PDE4B: variants seen among roughly 807,000 people sequenced by gnomAD.
The protein encoded by PDE4B is phosphodiesterase 4B.
In PDE4B, 20 loss-of-function variants were observed where a neutral mutation model predicts 82.2. The ratio of observed to expected loss-of-function variants is 0.24; its 90% confidence interval spans 0.17 to 0.35. The LOEUF is 0.35. PDE4B is among the 10% of genes least tolerant of loss of function. The pLI is 1.00. For missense variants in PDE4B, 655 were observed against 907.2 expected, an observed-to-expected ratio of 0.72 and a Z score of 3.57; for synonymous variants, 320 against 318.9, an observed-to-expected ratio of 1.00 and a Z score of -0.04.
intron 3 of PDE4B, among the ~76,000 whole-genome samples, chr1:66,134,529 A>G (rs577361496): frequency 6.6e-6 from 1 of 152,278 alleles, no homozygotes; most frequent in South Asian, 2.1e-4. Flanking sequence ...AAAGGGTACC[A>G]TTGTGGCTTG....
chr1:66,301,730 A>G (rs1019050165), intron 7 of PDE4B, among the ~76,000 whole-genome samples: 1 of 152,104 alleles, frequency 6.6e-6, no homozygotes, highest in Non-Finnish European at 1.5e-5. Flanking sequence ...TAGGTCATGA[A>G]TTCATCCTAT....
chr1:65,958,208 T>A (rs1040527218), intron 3 of PDE4B, among the ~76,000 whole-genome samples: 9 of 152,240 alleles, frequency 5.9e-5, no homozygotes, highest in East Asian at 3.9e-4. Context: ...GGATTTTTTT[T>A]AAATTATATT....
chr1:66,164,360 C>T (rs1354408433), intron 3 of PDE4B, among the ~76,000 whole-genome samples: 1 of 151,522 alleles, frequency 6.6e-6, no homozygotes. Context: ...CATGGTGAAA[C>T]CCCATCTCTA....
At chr1:66,317,883 T>C (rs1184969632) in intron 7 of PDE4B, among the ~76,000 whole-genome samples, 1 of 151,982 alleles carries the variant, frequency 6.6e-6, no homozygotes, top group Non-Finnish European at 1.5e-5. Context: ...GGTGACAGAG[T>C]GAGATCCAGT....
intron 3 of PDE4B, among the ~76,000 whole-genome samples, chr1:65,929,683 CA>C (rs1286794046): frequency 6.6e-6 from 1 of 152,180 alleles, no homozygotes; most frequent in Non-Finnish European, 1.5e-5. Flanking sequence ...TAGGCGCAAC[CA>C]ATCAGCTTCA....
rs1647502742 is a variant in PDE4B, at chr1:65,926,388, C to T, written c.281+7553C>T. ...ATGGAGATCTTAGGTCCTTTCATCC[C>T]ACACTTGTTTTGGCTATAAAATTGC... On this transcript the variant is annotated intron_variant, in intron 3 of 16. Transcript: ENST00000341517. Among the ~76,000 whole-genome samples, 3 of 152,240 alleles carry T rather than the reference C, an allele frequency of 2.0e-5. No homozygotes were observed. The South Asian group carries it at 6.2e-4, about 32-fold the overall frequency.
At chr1:66,164,232 C>T (rs1646674076) in intron 3 of PDE4B, among the ~76,000 whole-genome samples, 1 of 151,994 alleles carries the variant, frequency 6.6e-6, no homozygotes, top group South Asian at 2.1e-4. Flanking sequence ...GGTGGTTCAT[C>T]TCTTATGAAA....
chr1:66,239,719 A>G (rs1309611830), intron 3 of PDE4B, among the ~76,000 whole-genome samples: 1 of 152,204 alleles, frequency 6.6e-6, no homozygotes, highest in Non-Finnish European at 1.5e-5. Context: ...AAAGAATCAC[A>G]CTAAAATATA....
chr1:66,031,390 A>T (rs1022636895), intron 3 of PDE4B, among the ~76,000 whole-genome samples: 3 of 152,256 alleles, frequency 2.0e-5, no homozygotes, highest in African/African-American at 7.2e-5. Flanking sequence ...ATTCTCAATC[A>T]GGAGAAAAGG....
intron 6 of PDE4B, among the ~76,000 whole-genome samples, chr1:66,262,967 C>T (rs1171507117): frequency 6.6e-6 from 1 of 152,206 alleles, no homozygotes; most frequent in African/African-American, 2.4e-5. Flanking sequence ...TCTCCTAGTT[C>T]AGTTTCTTCT....
At chr1:66,352,347 T>G (rs1006307342) in intron 8 of PDE4B, among the ~76,000 whole-genome samples, 4 of 152,192 alleles carry the variant, frequency 2.6e-5, no homozygotes, top group Admixed American at 6.6e-5. Context: ...CTTGCATGAG[T>G]ACACTGATCC....
rs192350089 is a variant in PDE4B at position 65,861,766 on chromosome 1, C to T, written c.-70-51479C>T. On this transcript the variant is annotated intron_variant, in intron 1 of 16. Transcript: ENST00000341517. ...TTCTTCTTGAAGAGGTCCTTCATAT[C>T]TCTTGTAAGTTGTATTCCTAGGTAT... Among the ~76,000 whole-genome samples, 30 of 152,202 alleles carry T rather than the reference C, an allele frequency of 2.0e-4. 1 individual carries two copies. The highest frequency in any genetic ancestry group is 3.4e-3 in the Middle Eastern group (1 of 294).
At chr1:65,919,563 A>G (rs1346294668) in intron 3 of PDE4B, among the ~76,000 whole-genome samples, 1 of 152,222 alleles carries the variant, frequency 6.6e-6, no homozygotes, top group Non-Finnish European at 1.5e-5. Flanking sequence ...CTTACATATC[A>G]TGGAGGTTTA....
intron 7 of PDE4B, among the ~76,000 whole-genome samples, chr1:66,324,042 A>C (rs1659588027): frequency 6.6e-6 from 1 of 152,188 alleles, no homozygotes; most frequent in Non-Finnish European, 1.5e-5. Context: ...TCTCGTTAGC[A>C]TATAAATGCC....
intron 1 of PDE4B, among the ~76,000 whole-genome samples, chr1:65,819,967 C>T (rs1391697946): frequency 6.6e-6 from 1 of 152,072 alleles, no homozygotes; most frequent in African/African-American, 2.4e-5. Context: ...ATCAACAGAG[C>T]AAGAGATTGA....
At chr1:66,144,494 A>G (rs1169107819) in intron 3 of PDE4B, among the ~76,000 whole-genome samples, 1 of 152,246 alleles carries the variant, frequency 6.6e-6, no homozygotes, top group Non-Finnish European at 1.5e-5. Context: ...TTTGGAATGT[A>G]AATTGGTTAC....
chr1:66,333,764 A>G lies in PDE4B; in HGVS notation c.747+1144A>G, dbSNP rs528554054. ...AGAGGAAGCAGTGTGTCCTCAGGAG[A>G]TCCTGAAGGAGGGGAGGGGGGACTC... is the stretch of plus-strand genomic sequence containing the variant. On this transcript the variant is annotated intron_variant, in intron 8 of 16. Coordinates refer to ENST00000341517, the MANE Select transcript of PDE4B (RefSeq NM_002600.4). Among the ~76,000 whole-genome samples the G allele has an allele frequency of 5.9e-5, 9 of 152,078 alleles. No individual in the cohort carries two copies. In the East Asian group the frequency reaches 1.5e-3, roughly 26 times the overall value.
At chr1:65,853,928 A>G (rs1646362031) in intron 1 of PDE4B, among the ~76,000 whole-genome samples, 2 of 152,084 alleles carry the variant, frequency 1.3e-5, no homozygotes, top group Non-Finnish European at 2.9e-5. Context: ...ATAATGAACT[A>G]TTTTCTTTCT....
chr1:66,081,236 A>G lies in PDE4B; in HGVS notation c.281+162401A>G, dbSNP rs141041089. The stretch of plus-strand genomic sequence containing the variant: ...GATAAGGCATCTAACATTGGCATCA[A>G]TTGAGATTAATTCACCTACTGCATA... On this transcript the variant is annotated intron_variant, in intron 3 of 16. Transcript: ENST00000341517. Among the ~76,000 whole-genome samples the G allele has an allele frequency of 2.4e-3, 360 of 152,188 alleles. 2 individuals are homozygous for G. Among genetic ancestry groups the G allele is most frequent in the African/African-American group, 8.2e-3 (339 of 41,552 alleles).
Sources: gnomAD v4.1 joint callset for allele counts (sites outside exome capture counted in the v4.1 genomes callset) on GRCh38, gnomAD v4.1.1 for gene constraint, MANE v1.5 for transcripts, NCBI Gene and HGNC (gene_info 2026-07-23, HGNC 2026-07-21) for gene names.